SIRPG: variants seen among roughly 807,000 people sequenced by gnomAD.
SIRPG encodes signal-regulatory protein gamma.
Under a neutral mutation model 35.7 loss-of-function variants are expected in SIRPG, and 38 were observed. That is an observed-to-expected ratio of 1.06 (90% confidence interval 0.82 to 1.40). SIRPG has a LOEUF of 1.40. Ranked by LOEUF, SIRPG falls within the 40% of genes most tolerant of loss-of-function variation. The probability of loss-of-function intolerance (pLI) is 0.00; values close to 1 mark genes in which losing one functional copy is unlikely to be tolerated. For missense variants in SIRPG, 519 were observed against 483.0 expected (o/e 1.07, Z -0.70); for synonymous variants, 215 against 190.4 (o/e 1.13, Z -1.06).
intron 4 of SIRPG, among the ~76,000 whole-genome samples, chr20:1,632,621 T>C (rs546488450): frequency 1.3e-5 from 2 of 152,160 alleles, no homozygotes; most frequent in African/African-American, 4.8e-5. Context: ...AGTAAAACTA[T>C]GAACCCTAGA....
intron 4 of SIRPG, among the ~76,000 whole-genome samples, chr20:1,635,058 T>C (rs1256449246): frequency 6.7e-6 from 1 of 149,632 alleles, no homozygotes; most frequent in South Asian, 2.1e-4. Context: ...AAAAAAAAAT[T>C]AAACATATAT....
At chr20:1,679,413 G>A in the SIRPG span, among the ~76,000 whole-genome samples, 1 of 152,098 alleles carries the variant, frequency 6.6e-6, no homozygotes, top group Non-Finnish European at 1.5e-5. Context: ...GTCCTCCTCT[G>A]CTGTGACCTA....
chr20:1,640,601 T>G (rs1354640902), intron 2 of SIRPG, among the ~76,000 whole-genome samples: 1 of 152,180 alleles, frequency 6.6e-6, no homozygotes, highest in African/African-American at 2.4e-5. Flanking sequence ...ACCCCTTATT[T>G]CCTTCTCTTG....
intron 2 of SIRPG, among the ~76,000 whole-genome samples, chr20:1,648,700 G>T (rs552694198): frequency 6.6e-6 from 1 of 151,960 alleles, no homozygotes; most frequent in African/African-American, 2.4e-5. Context: ...AGAGAGAAGC[G>T]CTCTTTGGAG....
At chr20:1,672,588 T>C in the SIRPG span, among the ~76,000 whole-genome samples, 1,674 of 152,306 alleles carry the variant, frequency 0.011, 29 homozygotes, top group African/African-American at 0.038. Context: ...TTGAATTGTC[T>C]CCAAAACCAA....
At position 1,635,524 on chromosome 20, in the gene SIRPG, T is replaced by G; in HGVS notation, c.824A>C (p.Lys275Thr). The change falls in exon 4 of 6, where the codon AAG (lysine) becomes ACG (threonine). Residue 275 changes from lysine to threonine, a missense_variant. Lys to Thr is a moderately conservative substitution (Grantham distance 78). Coordinates refer to ENST00000303415, the MANE Select transcript of SIRPG (RefSeq NM_018556.4). ...CAGCTGTAGGCTCTGGGGGTAGAAC[T>G]TCCTCACCTGGCAGGTGACGTTTAC... Reference protein sequence around the residue: ...NQVNVTCQVRKFYPQSLQLTW... With the variant: ...NQVNVTCQVRTFYPQSLQLTW... The G allele has an allele frequency of 6.2e-7, 1 of 1,614,124 alleles. No homozygotes were observed. Among genetic ancestry groups the G allele is most frequent in the Non-Finnish European group, 8.5e-7 (1 of 1,179,976 alleles).
At chr20:1,641,794 T>G (rs1366842950) in intron 2 of SIRPG, among the ~76,000 whole-genome samples, 2 of 152,252 alleles carry the variant, frequency 1.3e-5, no homozygotes, top group Non-Finnish European at 2.9e-5. Flanking sequence ...ATGTTGTCTC[T>G]TTGTTCTTAT....
the SIRPG span, among the ~76,000 whole-genome samples, chr20:1,668,204 TTTCTTTCTTTCTTTCTTTC>T: frequency 1.1e-3 from 46 of 40,870 alleles, no homozygotes; most frequent in African/African-American, 1.6e-3. Context: ...TTTTCTTTTC[TTTCTTTCTTTCTTTCTTTC>T]TTTCTTTCTT....
At chr20:1,667,570 C>T in the SIRPG span, among the ~76,000 whole-genome samples, 4 of 152,148 alleles carry the variant, frequency 2.6e-5, no homozygotes, top group South Asian at 2.1e-4. Flanking sequence ...GGATTCAAAA[C>T]GGGTTGTTCA....
intron 4 of SIRPG, among the ~76,000 whole-genome samples, chr20:1,632,412 G>A (rs2091758662): frequency 6.6e-6 from 1 of 152,056 alleles, no homozygotes; most frequent in Non-Finnish European, 1.5e-5. Context: ...GTAACCACAA[G>A]GCATCTTGCA....
chr20:1,661,427 T>C (rs1426463815), upstream of SIRPG, among the ~76,000 whole-genome samples: 3 of 152,164 alleles, frequency 2.0e-5, no homozygotes, highest in Admixed American at 2.0e-4. Context: ...TGCTCCCAAA[T>C]GTAAATCAAT....
chr20:1,630,151 G>T, intron 5 of SIRPG, 71 bp downstream of exon 5: 2 of 1,176,266 alleles, frequency 1.7e-6, no homozygotes, highest in Non-Finnish European at 1.2e-6. Context: ...CATGGCATGT[G>T]GGCTGGGCCT....
chr20:1,685,656 A>G, the SIRPG span, among the ~76,000 whole-genome samples: 1 of 152,188 alleles, frequency 6.6e-6, no homozygotes, highest in African/African-American at 2.4e-5. Flanking sequence ...GAAAGCAGCA[A>G]ATTCCTTCTT....
chr20:1,635,657 G>T, intron 3 of SIRPG, 58 bp from the exon 4 acceptor site: 2 of 1,560,192 alleles, frequency 1.3e-6, no homozygotes, highest in Non-Finnish European at 1.8e-6. Flanking sequence ...CACAGGGAGG[G>T]CTCCATAACT....
At chr20:1,644,644 CTG>C (rs2122512970) in intron 2 of SIRPG, among the ~76,000 whole-genome samples, 1 of 152,354 alleles carries the variant, frequency 6.6e-6, no homozygotes, top group Non-Finnish European at 1.5e-5. Flanking sequence ...TGTTGAGAAT[CTG>C]TGCAGCTCTG....
upstream of SIRPG, chr20:1,657,803 T>A: frequency 8.2e-7 from 1 of 1,212,918 alleles, no homozygotes. Context: ...AAGCCCTGCC[T>A]CCCTCAATTC....
the SIRPG span, among the ~76,000 whole-genome samples, chr20:1,676,401 T>C: frequency 2.0e-5 from 3 of 152,192 alleles, no homozygotes; most frequent in Non-Finnish European, 2.9e-5. Context: ...ATCAACAGAA[T>C]ACTGTAAAAC....
intron 4 of SIRPG, chr20:1,633,749 AAGTCTCCTGG>A (rs1234576130): frequency 6.6e-6 from 1 of 152,216 alleles, no homozygotes; most frequent in Admixed American, 6.5e-5. Context: ...GGCCTTTGAA[AAGTCTCCTGG>A]AGTTGAGACT....
At chr20:1,652,007 A>G (rs3761270) in intron 1 of SIRPG, among the ~76,000 whole-genome samples, 31,044 of 152,170 alleles carry the variant, frequency 0.2, 3,727 homozygotes, top group Admixed American at 0.33. Flanking sequence ...ATTAAAATCA[A>G]CAGGCACTCC....
Sources: gnomAD v4.1 joint callset for allele counts (sites outside exome capture counted in the v4.1 genomes callset) on GRCh38, gnomAD v4.1.1 for gene constraint, MANE v1.5 for transcripts, NCBI Gene and HGNC (gene_info 2026-07-23, HGNC 2026-07-21) for gene names.